The following SCN8A variants were observed in gnomAD, a reference collection of about 807,000 sequenced individuals.
The protein encoded by SCN8A is sodium channel protein type 8 subunit alpha.
SCN8A carries 30 observed loss-of-function variants against 184.1 expected under a neutral mutation model. That is an observed-to-expected ratio of 0.16 (90% CI 0.12 to 0.22). The LOEUF is 0.22. Among genes scored for constraint, SCN8A ranks in the 10% least tolerant of loss-of-function variants. SCN8A has a pLI of 1.00. For missense variants in SCN8A, 1,057 were observed against 2,498.9 expected (o/e 0.42, Z 12.30); for synonymous variants, 852 against 907.0 (o/e 0.94, Z 1.09).
intron 26 of SCN8A, among the ~76,000 whole-genome samples, chr12:51,796,732 G>A (rs1019081503): frequency 6.6e-6 from 1 of 152,198 alleles, no homozygotes; most frequent in African/African-American, 2.4e-5. Context: ...GAAGCTGACA[G>A]TGCAGCCTTT....
intron 2 of SCN8A, 29 bp from the exon 3 acceptor site, chr12:51,684,142 TTAA>T (rs1412000840): frequency 9.4e-7 from 1 of 1,065,876 alleles, no homozygotes; most frequent in Middle Eastern, 2.0e-4. Flanking sequence ...TACCCATGCT[TTAA>T]TAATTTCTCT....
At chr12:51,781,978 C>T (rs775961391) in intron 21 of SCN8A, among the ~76,000 whole-genome samples, 6 of 152,170 alleles carry the variant, frequency 3.9e-5, no homozygotes, top group African/African-American at 7.2e-5. Context: ...GCTGTTACTC[C>T]GTGAAGCCAC....
In SCN8A at chr12:51,721,838, T is replaced by C. The variant is rs778129069; in HGVS notation, c.1928T>C (p.Val643Ala). Residue 643 changes from valine (V) to alanine (A), a missense_variant, in exon 12 of 27, where the codon GTG becomes GCG. Physicochemically the swap from Val to Ala is moderately conservative, Grantham distance 64 (BLOSUM62 0). This residue lies in a region of SCN8A where 322 missense variants were observed against 390.1 expected (regional missense o/e 0.83). Transcript: ENST00000627620. Reference protein sequence around the residue: ...LRRSVKRNSTVDCNGVVSLIG... With the variant: ...LRRSVKRNSTADCNGVVSLIG... ...CGCAGCGTGAAGCGCAACAGCACGG[T>C]GGACTGCAACGGCGTGGTGTCCCTC... The C allele has an allele frequency of 6.2e-7, 1 of 1,605,200 alleles. No homozygotes were observed. The highest frequency in any genetic ancestry group is 1.7e-5 in the Admixed American group (1 of 60,020).
intron 24 of SCN8A, 97 bp downstream of exon 24, chr12:51,789,515 C>A: frequency 7.6e-7 from 1 of 1,323,016 alleles, no homozygotes; most frequent in Non-Finnish European, 1.1e-6. Context: ...CTCTTTCTTT[C>A]TCTAAAATCT....
chr12:51,688,307 A>G lies in SCN8A; in HGVS notation c.615-698A>G, dbSNP rs192584480. On this transcript the variant is annotated intron_variant, in intron 5 of 26. Coordinates refer to ENST00000627620, the MANE Select transcript of SCN8A (RefSeq NM_001330260.2). The stretch of plus-strand genomic sequence containing the variant: ...TATGATTACAACTCCTGATTAAGTC[A>G]TATATACAGACATTTAGTCAATTTT... Among the ~76,000 whole-genome samples, 15 of 152,366 alleles carry G rather than the reference A, an allele frequency of 9.8e-5. No individual in the cohort carries two copies. The East Asian group carries it at 2.7e-3, about 27-fold the overall frequency.
intron 1 of SCN8A, among the ~76,000 whole-genome samples, chr12:51,626,762 A>G (rs961064720): frequency 4.0e-5 from 6 of 151,216 alleles, no homozygotes; most frequent in African/African-American, 1.5e-4. Flanking sequence ...CCACTCTCCA[A>G]TTGTTTTCTG....
intron 21 of SCN8A, among the ~76,000 whole-genome samples, chr12:51,781,418 T>C (rs1056712669): frequency 6.6e-6 from 1 of 152,194 alleles, no homozygotes; most frequent in African/African-American, 2.4e-5. Context: ...CCTCTGCCCA[T>C]GCTGTATGGT....
At chr12:51,649,661 G>A (rs1019671480) in intron 1 of SCN8A, among the ~76,000 whole-genome samples, 17 of 152,252 alleles carry the variant, frequency 1.1e-4, no homozygotes, top group Admixed American at 2.0e-4. Flanking sequence ...CAGCTGGGAC[G>A]CAGGGCACCA....
chr12:51,730,513 T>C (rs994077639), intron 12 of SCN8A, among the ~76,000 whole-genome samples: 14 of 152,330 alleles, frequency 9.2e-5, no homozygotes, highest in African/African-American at 3.4e-4. Flanking sequence ...CTCTAGAGAT[T>C]ATTTTCCTAT....
intron 13 of SCN8A, among the ~76,000 whole-genome samples, chr12:51,746,812 A>G (rs1406575707): frequency 1.3e-5 from 2 of 152,176 alleles, no homozygotes; most frequent in Non-Finnish European, 2.9e-5. Flanking sequence ...CAGGATCTGC[A>G]TGCTTTCTTT....
At chr12:51,649,895 A>G (rs2138649392) in intron 1 of SCN8A, among the ~76,000 whole-genome samples, 1 of 152,250 alleles carries the variant, frequency 6.6e-6, no homozygotes, top group Admixed American at 6.5e-5. Context: ...TTTCTTTTCT[A>G]TCACATGGAC....
intron 20 of SCN8A, among the ~76,000 whole-genome samples, chr12:51,778,508 C>T (rs561520286): frequency 4.6e-5 from 7 of 152,138 alleles, no homozygotes; most frequent in African/African-American, 1.4e-4. Flanking sequence ...AGGCTGGTCT[C>T]GAACTTCTGA....
intron 25 of SCN8A, 72 bp downstream of exon 25, chr12:51,790,574 A>G (rs1938220432): frequency 9.9e-7 from 1 of 1,010,594 alleles, no homozygotes; most frequent in African/African-American, 1.6e-5. Flanking sequence ...GTTACTGCAA[A>G]GGAAGGAAAA....
At chr12:51,651,333 A>G (rs1273798445) in intron 1 of SCN8A, among the ~76,000 whole-genome samples, 1 of 152,154 alleles carries the variant, frequency 6.6e-6, no homozygotes, top group Non-Finnish European at 1.5e-5. Context: ...CTTCCTGAGT[A>G]GCTGGGGTTA....
rs955198658 is a variant in SCN8A, at chr12:51,772,709, G to A, written c.3646-1480G>A. 9.2e-5 allele frequency among the ~76,000 whole-genome samples: 14 copies of A among 151,962 alleles called. 1 individual carries two copies. The highest frequency in any genetic ancestry group is 6.6e-4 in the Admixed American group (10 of 15,258). ...TGTTGATGAAAGTGGAGCCGGGCAC[G>A]GTAGCTCACACCTGTAATCCCAGCA... is the stretch of plus-strand genomic sequence containing the variant. On this transcript the variant is annotated intron_variant, in intron 19 of 26. Coordinates refer to ENST00000627620, the MANE Select transcript of SCN8A (RefSeq NM_001330260.2).
intron 20 of SCN8A, among the ~76,000 whole-genome samples, chr12:51,777,150 G>A (rs1245005821): frequency 6.6e-6 from 1 of 152,196 alleles, no homozygotes; most frequent in East Asian, 1.9e-4. Flanking sequence ...TCAGACTGCT[G>A]AAAACATTCC....
At chr12:51,691,488 T>C (rs1439998190) in intron 6 of SCN8A, among the ~76,000 whole-genome samples, 1 of 152,092 alleles carries the variant, frequency 6.6e-6, no homozygotes, top group Non-Finnish European at 1.5e-5. Flanking sequence ...CAGTGGTGCC[T>C]GGCCCATAGT....
chr12:51,609,553 T>A (rs2138574399), intron 1 of SCN8A, among the ~76,000 whole-genome samples: 1 of 152,326 alleles, frequency 6.6e-6, no homozygotes, highest in East Asian at 1.9e-4. Flanking sequence ...TTTGTCTCTT[T>A]TAACTGCTGT....
intron 6 of SCN8A, among the ~76,000 whole-genome samples, chr12:51,694,308 A>G (rs1337166227): frequency 2.0e-5 from 3 of 152,216 alleles, no homozygotes; most frequent in Admixed American, 6.5e-5. Context: ...ATTTTTCTGG[A>G]CATAGCACAT....
Sources: allele counts gnomAD v4.1 joint callset (sites outside exome capture counted in the v4.1 genomes callset), GRCh38; gene constraint gnomAD v4.1.1; regional missense constraint gnomAD v4.1.1; transcripts MANE v1.5; gene names NCBI Gene and HGNC (gene_info 2026-07-23, HGNC 2026-07-21).